Variants in FOXP2 observed in about 807,000 individuals in gnomAD.
FOXP2 encodes forkhead box protein P2.
Under a neutral mutation model 115.8 loss-of-function variants are expected in FOXP2, and 12 were observed. The observed-to-expected ratio is 0.10, with a 90% CI of 0.07 to 0.17. FOXP2 has a LOEUF of 0.17. Ranked by LOEUF, FOXP2 falls within the 10% of genes least tolerant of loss-of-function variation. FOXP2 has a pLI of 1.00. For synonymous variants in FOXP2, 328 were observed against 297.7 expected, an observed-to-expected ratio of 1.10 and a Z score of -1.05; for missense variants, 629 against 843.5, an observed-to-expected ratio of 0.75 and a Z score of 3.15.
At chr7:114,598,846 C>T (rs1802864083) in intron 3 of FOXP2, among the ~76,000 whole-genome samples, 1 of 152,044 alleles carries the variant, frequency 6.6e-6, no homozygotes, top group Non-Finnish European at 1.5e-5. Context: ...ATGGAACCAC[C>T]ATTCAGATTG....
intron 2 of FOXP2, among the ~76,000 whole-genome samples, chr7:114,390,023 C>CAAAAAAAAAAAAAAAAAAAAAAAAA (rs11311566): frequency 1.1e-5 from 1 of 93,192 alleles, no homozygotes; most frequent in Non-Finnish European, 2.0e-5. Context: ...CATTCAGTGT[C>CAAAAAAAAAAAAAAAAAAAAAAAAA]AAAAAAAAAA....
rs148480960 is a variant in FOXP2 at position 114,099,075 on chromosome 7, C to T, written c.-247+11237C>T. 3.0e-3 allele frequency among the ~76,000 whole-genome samples: 449 copies of T among 152,172 alleles called. 1 individual carries two copies. Among genetic ancestry groups the T allele is most frequent in the South Asian group, 5.2e-3 (25 of 4,824 alleles). The stretch of plus-strand genomic sequence containing the variant: ...GCTTAAGCCCAGGAGGTTGAGGCTG[C>T]AGTGAACTGTGATTAGCCCACTGCA... On this transcript the variant is annotated intron_variant, in intron 1 of 19. Transcript: ENST00000635638.
At chr7:114,358,777 C>G (rs957520169) in intron 2 of FOXP2, among the ~76,000 whole-genome samples, 1 of 152,102 alleles carries the variant, frequency 6.6e-6, no homozygotes, top group African/African-American at 2.4e-5. Context: ...GCAAAGTGTT[C>G]AAGAGGTGAC....
At chr7:114,624,410 A>G (rs1347268519) in intron 3 of FOXP2, among the ~76,000 whole-genome samples, 1 of 151,936 alleles carries the variant, frequency 6.6e-6, no homozygotes, top group Non-Finnish European at 1.5e-5. Flanking sequence ...ATAATGTTTT[A>G]TACTGTAAAT....
chr7:114,566,531 C>T (rs2078109), intron 3 of FOXP2, among the ~76,000 whole-genome samples: 3 of 152,078 alleles, frequency 2.0e-5, no homozygotes, highest in African/African-American at 7.2e-5. Flanking sequence ...TTTCTACACA[C>T]GTGTTTCCCC....
chr7:114,124,677 A>T (rs1216272401), intron 1 of FOXP2, among the ~76,000 whole-genome samples: 3 of 152,064 alleles, frequency 2.0e-5, no homozygotes, highest in Admixed American at 2.0e-4. Flanking sequence ...ATTAAATGCA[A>T]CATCTAAATA....
At chr7:114,344,292 C>G (rs771805752) in intron 2 of FOXP2, among the ~76,000 whole-genome samples, 31 of 151,648 alleles carry the variant, frequency 2.0e-4, no homozygotes, top group Non-Finnish European at 7.4e-5. Flanking sequence ...GTAGAAAAAC[C>G]CTATACCCAC....
rs376193963 is a variant in FOXP2, at chr7:114,615,349, C to T, written c.259-13191C>T. 1.1e-3 allele frequency among the ~76,000 whole-genome samples: 160 copies of T among 152,080 alleles called. 1 individual carries two copies. The highest frequency in any genetic ancestry group is 6.8e-3 in the Middle Eastern group (2 of 294). ...ATCTGCTCTCTACTACTATTACTGC[C>T]CTCTTCCTCCTCATAAATCTACAAT... On this transcript the variant is annotated intron_variant, in intron 3 of 16. Transcript: ENST00000350908.
chr7:114,312,396 C>G, intron 2 of FOXP2, among the ~76,000 whole-genome samples: 1 of 152,090 alleles, frequency 6.6e-6, no homozygotes, highest in Admixed American at 6.5e-5. Flanking sequence ...TTCATTAGTC[C>G]TTATTCACCC....
At chr7:114,144,867 A>T (rs1254414400) in intron 1 of FOXP2, among the ~76,000 whole-genome samples, 1 of 152,194 alleles carries the variant, frequency 6.6e-6, no homozygotes, top group Non-Finnish European at 1.5e-5. Context: ...GAGTGTTATC[A>T]AAAGGATGAT....
chr7:114,467,861 T>C (rs1455398661), intron 2 of FOXP2, among the ~76,000 whole-genome samples: 1 of 152,168 alleles, frequency 6.6e-6, no homozygotes, highest in Non-Finnish European at 1.5e-5. Context: ...TTCTGGGATC[T>C]CTCTACTCTG....
At chr7:114,155,179 C>T (rs1468526334) in intron 1 of FOXP2, among the ~76,000 whole-genome samples, 3 of 151,998 alleles carry the variant, frequency 2.0e-5, no homozygotes, top group Admixed American at 2.0e-4. Context: ...TTATAAGACC[C>T]CCAACTGACT....
intron 2 of FOXP2, among the ~76,000 whole-genome samples, chr7:114,363,707 A>T (rs1791807485): frequency 1.3e-5 from 2 of 152,258 alleles, no homozygotes; most frequent in South Asian, 4.1e-4. Context: ...CTCTTACGTG[A>T]TCTTTTAAAA....
At position 114,378,684 on chromosome 7, in the gene FOXP2, C is replaced by CAAAAAAAAAAAAAAAAAAAAAAA. The variant is rs398005920; in HGVS notation, c.-10-47801_-10-47800insAAAAAAAAAAAAAAAAAAAAAAA. ...GTGAGACAATGTAAGACCCTGTCTC[C>CAAAAAAAAAAAAAAAAAAAAAAA]AAAAAAAAAAAAAAAAAGGAAAAGA... On this transcript the variant is annotated intron_variant, in intron 2 of 17. Transcript: ENST00000634411. 5.3e-3 allele frequency among the ~76,000 whole-genome samples: 95 copies of CAAAAAAAAAAAAAAAAAAAAAAA among 18,054 alleles called. 11 individuals carry two copies. Among genetic ancestry groups the CAAAAAAAAAAAAAAAAAAAAAAA allele is most frequent in the Admixed American group, 8.9e-3 (8 of 900 alleles). 11.8% of individuals were successfully genotyped at this position (18,054 alleles called of 152,430 possible).
At chr7:114,658,438 C>T (rs559013187) in intron 11 of FOXP2, among the ~76,000 whole-genome samples, 171 bp downstream of exon 11, 8 of 152,106 alleles carry the variant, frequency 5.3e-5, no homozygotes, top group Admixed American at 1.3e-4. Context: ...CTAAGCACAT[C>T]ATGATGAATT....
rs538410482 is a variant in FOXP2 at position 114,242,162 on chromosome 7, A to G, written c.-101-45857A>G. Reference sequence around the variant, plus strand: ...AATCATGGCAGTGGGGCTAGAATAAAAGGAGATAATTTGAAAAATACAGCC... The same window carrying G: ...AATCATGGCAGTGGGGCTAGAATAAGAGGAGATAATTTGAAAAATACAGCC... On this transcript the variant is annotated intron_variant, in intron 1 of 17. Transcript: ENST00000634411. 9.2e-5 allele frequency among the ~76,000 whole-genome samples: 14 copies of G among 151,788 alleles called. No homozygotes were observed. The South Asian group carries it at 2.7e-3, about 29-fold the overall frequency.
intron 1 of FOXP2, among the ~76,000 whole-genome samples, chr7:114,265,539 GC>G (rs1795875715): frequency 1.3e-5 from 2 of 152,168 alleles, no homozygotes; most frequent in South Asian, 4.1e-4. Context: ...GTAAGCTGCT[GC>G]TGGCTCTACC....
At chr7:114,491,598 T>C (rs1797057505) in intron 2 of FOXP2, among the ~76,000 whole-genome samples, 1 of 152,154 alleles carries the variant, frequency 6.6e-6, no homozygotes, top group Non-Finnish European at 1.5e-5. Flanking sequence ...ATGTCCTGAA[T>C]GGTATTGCCT....
chr7:114,431,682 A>T (rs986818437), intron 2 of FOXP2, among the ~76,000 whole-genome samples: 1 of 151,902 alleles, frequency 6.6e-6, no homozygotes, highest in African/African-American at 2.4e-5. Flanking sequence ...TGTAATTGTA[A>T]TTTTTATTAA....
Sources: allele counts gnomAD v4.1 joint callset (sites outside exome capture counted in the v4.1 genomes callset), GRCh38; gene constraint gnomAD v4.1.1; transcripts MANE v1.5; gene names NCBI Gene and HGNC (gene_info 2026-07-23, HGNC 2026-07-21).